PALLD: variants seen among roughly 807,000 people sequenced by gnomAD.
PALLD encodes the protein palladin.
PALLD carries 61 observed loss-of-function variants against 123.5 expected under a neutral mutation model. That is an observed-to-expected ratio of 0.49 (90% CI 0.40 to 0.61). The LOEUF is 0.61. Ranked by LOEUF, PALLD falls within the 20% of genes least tolerant of loss-of-function variation. The pLI is 0.00. For synonymous variants in PALLD, 465 were observed against 496.4 expected (o/e 0.94, Z 0.84); for missense variants, 1,273 against 1,377.0 (o/e 0.92, Z 1.20).
At chr4:168,607,112 T>G (rs116315682) in intron 2 of PALLD, among the ~76,000 whole-genome samples, 2,071 of 152,052 alleles carry the variant, frequency 0.014, 53 homozygotes, top group African/African-American at 0.047. Context: ...AGGGGAACAT[T>G]ATATATAGGT....
intron 10 of PALLD, among the ~76,000 whole-genome samples, chr4:168,787,697 A>G (rs1430105628): frequency 6.6e-6 from 1 of 152,214 alleles, no homozygotes; most frequent in African/African-American, 2.4e-5. Context: ...ATAAAAAGGC[A>G]CTTTTCACAT....
rs1784484400 is a variant in PALLD at position 168,709,156 on chromosome 4, G to A, written c.1621+9G>A. On this transcript the variant is annotated intron_variant, in intron 9 of 21. Coordinates refer to ENST00000505667, the MANE Select transcript of PALLD (RefSeq NM_001166108.2). The stretch of plus-strand genomic sequence containing the variant: ...GCTGGTTGTCACCTCAGGTATGTGA[G>A]GAGTAAAAAAAATGACTGGGTTCTG... 1 of 1,613,530 alleles carries A rather than the reference G, an allele frequency of 6.2e-7. No homozygotes were observed. Among genetic ancestry groups the A allele is most frequent in the East Asian group, 2.2e-5 (1 of 44,838 alleles).
chr4:168,675,080 A>C (rs1292778854), intron 3 of PALLD, among the ~76,000 whole-genome samples: 1 of 152,232 alleles, frequency 6.6e-6, no homozygotes, highest in East Asian at 1.9e-4. Context: ...ATAAATACAG[A>C]CATCTCAAGT....
intron 10 of PALLD, among the ~76,000 whole-genome samples, chr4:168,737,157 C>G (rs1787840068): frequency 6.6e-6 from 1 of 152,134 alleles, no homozygotes; most frequent in Non-Finnish European, 1.5e-5. Context: ...TTAATCTGAC[C>G]TACAAAACAA....
chr4:168,738,308 GA>G (rs1787957784), intron 10 of PALLD, among the ~76,000 whole-genome samples: 1 of 152,224 alleles, frequency 6.6e-6, no homozygotes, highest in Non-Finnish European at 1.5e-5. Flanking sequence ...TGAGATGGCT[GA>G]AGGAGCCTCT....
intron 10 of PALLD, among the ~76,000 whole-genome samples, chr4:168,771,862 C>T (rs199670755): frequency 4.6e-5 from 7 of 152,286 alleles, no homozygotes; most frequent in South Asian, 2.1e-4. Context: ...AGGGCAGCAG[C>T]GGCATGTCGT....
intron 14 of PALLD, among the ~76,000 whole-genome samples, chr4:168,901,975 G>C (rs1016600018): frequency 3.3e-5 from 5 of 152,220 alleles, no homozygotes; most frequent in African/African-American, 1.2e-4. Flanking sequence ...TTAGATTCTA[G>C]AGTTTAATAC....
chr4:168,539,932 C>G (rs1765455603), intron 2 of PALLD, among the ~76,000 whole-genome samples: 1 of 151,960 alleles, frequency 6.6e-6, no homozygotes, highest in African/African-American at 2.4e-5. Flanking sequence ...GCATAGTACC[C>G]AAGAGTTAGT....
At chr4:168,660,446 T>C (rs1325729791) in intron 2 of PALLD, among the ~76,000 whole-genome samples, 3 of 152,200 alleles carry the variant, frequency 2.0e-5, no homozygotes, top group Non-Finnish European at 1.5e-5. Context: ...AACATTTTCA[T>C]GTAAAACATC....
In PALLD at chr4:168,694,591, T is replaced by C. The variant is rs1406390122; in HGVS notation, c.1501+3299T>C. 2.0e-5 allele frequency among the ~76,000 whole-genome samples: 3 copies of C among 152,202 alleles called. No homozygotes were observed. In the East Asian group the frequency reaches 5.8e-4, roughly 29 times the overall value. ...CTTCCTTATTCATGGGCAAGATGTT[T>C]TAAAGCTCCAGAAATAAAGTTGAAA... On this transcript the variant is annotated intron_variant, in intron 8 of 21. Coordinates refer to ENST00000505667, the MANE Select transcript of PALLD (RefSeq NM_001166108.2).
At chr4:168,819,708 C>T (rs1001855160) in intron 10 of PALLD, among the ~76,000 whole-genome samples, 7 of 152,198 alleles carry the variant, frequency 4.6e-5, no homozygotes, top group African/African-American at 1.4e-4. Flanking sequence ...AAATTAATTG[C>T]GACTTAGAAC....
At position 168,841,145 on chromosome 4, in the gene PALLD, G is replaced by A. The variant is rs902435122; in HGVS notation, c.1965-49777G>A. 8.5e-5 allele frequency among the ~76,000 whole-genome samples: 13 copies of A among 152,068 alleles called. No homozygotes were observed. The East Asian group carries it at 1.9e-3, about 23-fold the overall frequency. On this transcript the variant is annotated intron_variant, in intron 10 of 21. Coordinates refer to ENST00000505667, the MANE Select transcript of PALLD (RefSeq NM_001166108.2). ...ATTACAGGTGTGAGCCTCTGCGCCC[G>A]GCCCACTATATAAATGTTTAAGAAT...
chr4:168,846,495 C>T (rs970539843), intron 10 of PALLD, among the ~76,000 whole-genome samples: 4 of 152,112 alleles, frequency 2.6e-5, no homozygotes, highest in South Asian at 2.1e-4. Context: ...TTTAAACACC[C>T]GTTATGCGAG....
In PALLD at chr4:168,754,990, C is replaced by T. The variant is rs181357008; in HGVS notation, c.1964+43067C>T. ...GCTCACGTCTGTAATCCCAGCACTT[C>T]GGGAGGCTGAGGTGGGCGGATCATG... On this transcript the variant is annotated intron_variant, in intron 10 of 21. Transcript: ENST00000505667. Among the ~76,000 whole-genome samples the T allele has an allele frequency of 5.2e-3, 791 of 152,154 alleles. 7 individuals carry two copies. Among genetic ancestry groups the T allele is most frequent in the East Asian group, 0.023 (121 of 5,160 alleles).
At chr4:168,623,433 T>C (rs910049208) in intron 2 of PALLD, among the ~76,000 whole-genome samples, 2 of 152,214 alleles carry the variant, frequency 1.3e-5, no homozygotes, top group Non-Finnish European at 2.9e-5. Context: ...ATAAGCAAAC[T>C]ATGTGTTGGC....
At chr4:168,839,354 G>A (rs1745678905) in intron 10 of PALLD, among the ~76,000 whole-genome samples, 1 of 152,162 alleles carries the variant, frequency 6.6e-6, no homozygotes, top group Admixed American at 6.5e-5. Context: ...CAGTGAAGAA[G>A]CCTTCTATGT....
chr4:168,776,441 T>C (rs191474846), intron 10 of PALLD, among the ~76,000 whole-genome samples: 1 of 152,328 alleles, frequency 6.6e-6, no homozygotes, highest in Non-Finnish European at 1.5e-5. Context: ...ATAGTGTTGT[T>C]TGCAAATACA....
At chr4:168,513,511 A>C (rs1762719407) in intron 2 of PALLD, among the ~76,000 whole-genome samples, 1 of 152,034 alleles carries the variant, frequency 6.6e-6, no homozygotes, top group African/African-American at 2.4e-5. Flanking sequence ...TGCCCAAGTT[A>C]CTCTACCCCT....
chr4:168,513,708 C>T (rs1163658067), intron 2 of PALLD, among the ~76,000 whole-genome samples: 1 of 152,108 alleles, frequency 6.6e-6, no homozygotes, highest in African/African-American at 2.4e-5. Context: ...ATGAAAATAA[C>T]AAGTCAGGAT....
Sources: allele counts gnomAD v4.1 joint callset (sites outside exome capture counted in the v4.1 genomes callset), GRCh38; gene constraint gnomAD v4.1.1; transcripts MANE v1.5; gene names NCBI Gene and HGNC (gene_info 2026-07-23, HGNC 2026-07-21).